The following PUS7L variants were observed in gnomAD, a reference collection of about 807,000 sequenced individuals.
The protein encoded by PUS7L is pseudouridylate synthase PUS7L.
Under a neutral mutation model 51.1 loss-of-function variants are expected in PUS7L, and 49 were observed. That is an observed-to-expected ratio of 0.96 (90% CI 0.76 to 1.22). The LOEUF (loss-of-function observed/expected upper bound fraction) is 1.22. Ranked by LOEUF, PUS7L falls within the 50% of genes most tolerant of loss-of-function variation. The probability of loss-of-function intolerance (pLI) is 0.00; values close to 1 mark genes in which losing one functional copy is unlikely to be tolerated. For synonymous variants in PUS7L, 277 were observed against 276.2 expected (o/e 1.00, Z -0.03); for missense variants, 828 against 820.6 (o/e 1.01, Z -0.11).
chr12:43,750,746 G>A (rs1565643168), intron 2 of PUS7L, among the ~76,000 whole-genome samples: 1 of 152,036 alleles, frequency 6.6e-6, no homozygotes, highest in Non-Finnish European at 1.5e-5. Context: ...CAAATGAGGG[G>A]AATCCTAAAA....
In PUS7L at chr12:43,754,406, A is replaced by G. The variant is rs1240147921; in HGVS notation, c.840T>C (p.Phe280=). ...GNPNVVVTVR[F]REKAHKRGKR... is the part of the protein sequence containing the mutation. ...TCCCACGTTTGTGTGCTTTTTCCCG[A>G]AATCTTACTGTTACCACCACATTCG... is the stretch of plus-strand genomic sequence containing the variant. The change falls in exon 2 of 9, where the codon TTT becomes TTC. Residue 280 remains phenylalanine (F), a synonymous_variant. Transcript: ENST00000344862. 1 of 1,612,130 alleles carries G rather than the reference A, an allele frequency of 6.2e-7. No individual in the cohort carries two copies. Among genetic ancestry groups the G allele is most frequent in the African/African-American group, 1.3e-5 (1 of 74,892 alleles).
rs1944440819 is a variant in PUS7L, at chr12:43,725,422, TA to T, written c.*4953del. On this transcript the variant is annotated 3_prime_UTR_variant, in exon 9 of 9. Coordinates refer to ENST00000344862, the MANE Select transcript of PUS7L (RefSeq NM_031292.5). ...GAAATGGAAGTTATATTTTAATTTT[TA>T]GTTTAGTTTTTTTTTTTTTTTGAGG... 2 of 146,050 alleles carry T rather than the reference TA, an allele frequency of 1.4e-5. No individual in the cohort carries two copies. The highest frequency in any genetic ancestry group is 1.4e-4 in the Admixed American group (2 of 14,764). The allele number at this position is 146,050 out of a possible 1,614,324, so 9.0% of individuals were successfully genotyped here.
chr12:43,749,386 C>T (rs12229685), intron 2 of PUS7L, among the ~76,000 whole-genome samples: 12,981 of 152,216 alleles, frequency 0.085, 600 homozygotes, highest in Middle Eastern at 0.17. Context: ...AACAGTGGAT[C>T]TGATAAAGAA....
At chr12:43,757,923 A>C (rs1346499007) in intron 1 of PUS7L, among the ~76,000 whole-genome samples, 1 of 152,216 alleles carries the variant, frequency 6.6e-6, no homozygotes, top group Non-Finnish European at 1.5e-5. Context: ...TAGCTGAGTT[A>C]GTACCAGATT....
intron 7 of PUS7L, 84 bp downstream of exon 7, chr12:43,736,297 G>T: frequency 9.1e-7 from 1 of 1,101,370 alleles, no homozygotes; most frequent in Non-Finnish European, 1.3e-6. Flanking sequence ...TATGTTTAAA[G>T]TGTTTCTATA....
intron 5 of PUS7L, among the ~76,000 whole-genome samples, chr12:43,740,619 T>C (rs913715117): frequency 6.6e-6 from 1 of 152,104 alleles, no homozygotes; most frequent in Non-Finnish European, 1.5e-5. Context: ...TATAGTTTTT[T>C]AGCTGCAGGA....
chr12:43,756,307 T>C (rs1283172811), intron 1 of PUS7L, among the ~76,000 whole-genome samples: 6 of 152,234 alleles, frequency 3.9e-5, no homozygotes, highest in African/African-American at 1.4e-4. Context: ...TGGCTATTTC[T>C]TCAGGCTGCT....
chr12:43,739,021 A>T (rs1014511439), intron 5 of PUS7L: 9 of 156,102 alleles, frequency 5.8e-5, no homozygotes, highest in African/African-American at 2.2e-4. Flanking sequence ...ATTGTTACAG[A>T]AGAAAAAAGA....
At chr12:43,734,922 A>G (rs1944647568) in intron 7 of PUS7L, among the ~76,000 whole-genome samples, 1 of 152,216 alleles carries the variant, frequency 6.6e-6, no homozygotes. Flanking sequence ...ATAAAGTTGG[A>G]GAATAATAAT....
Position 43,748,560 on chromosome 12 carries a change from A to G in PUS7L, c.960T>C (p.Phe320=), listed in dbSNP as rs149842895. The change falls in exon 3 of 9, where the codon TTT becomes TTC. Residue 320 remains phenylalanine, a synonymous_variant. Coordinates refer to ENST00000344862, the MANE Select transcript of PUS7L (RefSeq NM_031292.5). The part of the protein sequence containing the change: ...ENLEMFEAIG[F]LAIKLGVIPS... Reference sequence around the variant, plus strand: ...GAATAACACCAAGTTTGATAGCTAAAAAACCAATCGCTTCAAACATTTCCA... The same window carrying G: ...GAATAACACCAAGTTTGATAGCTAAGAAACCAATCGCTTCAAACATTTCCA... 1.2e-6 allele frequency: 2 copies of G among 1,608,894 alleles called. No individual in the cohort carries two copies. Among genetic ancestry groups the G allele is most frequent in the African/African-American group, 2.7e-5 (2 of 74,696 alleles).
chr12:43,737,763 T>C (rs955938209), intron 6 of PUS7L, among the ~76,000 whole-genome samples: 1 of 151,988 alleles, frequency 6.6e-6, no homozygotes, highest in Non-Finnish European at 1.5e-5. Flanking sequence ...AATCATACAG[T>C]TGGGAAGTAT....
chr12:43,758,659 CCCCCCCCACACACACA>C, intron 1 of PUS7L, 55 bp downstream of exon 1: 1 of 727,156 alleles, frequency 1.4e-6, no homozygotes, highest in Non-Finnish European at 1.6e-6. Context: ...TCGTCACCCC[CCCCCCCCACACACACA>C]CACACACACA....
chr12:43,731,679 T>C lies in PUS7L; in HGVS notation c.1779+26A>G, dbSNP rs373109832. 5.1e-6 allele frequency: 7 copies of C among 1,377,976 alleles called. No homozygotes were observed. In the African/African-American group the frequency reaches 8.6e-5, roughly 17 times the overall value. The allele number at this position is 1,377,976 out of a possible 1,614,324, so 85.4% of individuals were successfully genotyped here. On this transcript the variant is annotated intron_variant, in intron 8 of 8. Transcript: ENST00000344862. ...GACAATGTCTACACTTAGATCTAAGTGATAGTAATTTTTAAGCAAATTTAC... is the reference window on the plus strand; with the variant it reads ...GACAATGTCTACACTTAGATCTAAGCGATAGTAATTTTTAAGCAAATTTAC...
chr12:43,754,321 GATTT>G lies in PUS7L; in HGVS notation c.910+11_910+14del. 6.7e-7 allele frequency: 1 copy of G among 1,492,994 alleles called. No individual in the cohort carries two copies. Among genetic ancestry groups the G allele is most frequent in the Non-Finnish European group, 9.1e-7 (1 of 1,098,010 alleles). 92.5% of individuals were successfully genotyped at this position (1,492,994 alleles called of 1,614,324 possible). A position where few individuals can be genotyped will look rare whatever the true frequency, so the allele number is the denominator to read the frequency against. ...AAGCTTATCCAAGAAAATGGATGAT[GATTT>G]ATTAAATTACCTGTATATATAACTT... On this transcript the variant is annotated intron_variant, in intron 2 of 8. Coordinates refer to ENST00000344862, the MANE Select transcript of PUS7L (RefSeq NM_031292.5).
chr12:43,733,433 T>G (rs10880554), intron 7 of PUS7L, among the ~76,000 whole-genome samples: 26,175 of 152,176 alleles, frequency 0.17, 3,429 homozygotes, highest in African/African-American at 0.37. Flanking sequence ...AAAATATATA[T>G]AAACATTGTT....
intron 4 of PUS7L, among the ~76,000 whole-genome samples, chr12:43,744,990 T>A (rs936080597): frequency 6.6e-6 from 1 of 152,214 alleles, no homozygotes; most frequent in African/African-American, 2.4e-5. Context: ...AGCCCACAAA[T>A]GAAACCTGGT....
intron 2 of PUS7L, among the ~76,000 whole-genome samples, chr12:43,752,029 G>C (rs1013793661): frequency 6.6e-6 from 1 of 152,146 alleles, no homozygotes; most frequent in Non-Finnish European, 1.5e-5. Context: ...CATATCCTTT[G>C]CCCACTTTTT....
chr12:43,740,316 C>A lies in PUS7L; in HGVS notation c.1363-1925G>T, dbSNP rs117868500. Among the ~76,000 whole-genome samples, 1,281 of 152,198 alleles carry A rather than the reference C, an allele frequency of 8.4e-3. 16 individuals carry two copies. Among genetic ancestry groups the A allele is most frequent in the East Asian group, 0.062 (323 of 5,180 alleles). On this transcript the variant is annotated intron_variant, in intron 5 of 8. Transcript: ENST00000344862. The stretch of plus-strand genomic sequence containing the variant: ...CTTTTACAGCATTCATTTATTCAAA[C>A]AAATATTATTAGGTATCTGCCACAT...
chr12:43,730,197 C>G lies in PUS7L; in HGVS notation c.*179G>C. 1 of 559,992 alleles carries G rather than the reference C, an allele frequency of 1.8e-6. No individual in the cohort carries two copies. The highest frequency in any genetic ancestry group is 3.1e-6 in the Non-Finnish European group (1 of 317,904). 34.7% of individuals were successfully genotyped at this position (559,992 alleles called of 1,614,324 possible). On this transcript the variant is annotated 3_prime_UTR_variant, in exon 9 of 9. Transcript: ENST00000344862. Reference sequence around the variant, plus strand: ...GGTCACATGGACCTTAAATTTGGACCCTGACACTTACATATCCTCTATAAA... The same window carrying G: ...GGTCACATGGACCTTAAATTTGGACGCTGACACTTACATATCCTCTATAAA...
Sources: gnomAD v4.1 joint callset for allele counts (sites outside exome capture counted in the v4.1 genomes callset) on GRCh38, gnomAD v4.1.1 for gene constraint, MANE v1.5 for transcripts, NCBI Gene and HGNC (gene_info 2026-07-23, HGNC 2026-07-21) for gene names.